The following TMEM38A variants were observed in gnomAD, a reference collection of about 807,000 sequenced individuals.
The protein encoded by TMEM38A is transmembrane protein 38A.
TMEM38A carries 17 observed loss-of-function variants against 28.6 expected under a neutral mutation model. The observed-to-expected ratio is 0.60, with a 90% CI of 0.41 to 0.89. The LOEUF (loss-of-function observed/expected upper bound fraction) is 0.89, where lower values mean the gene tolerates loss of function less well. TMEM38A is among the 40% of genes least tolerant of loss of function. TMEM38A has a pLI of 0.00. For synonymous variants in TMEM38A, 169 were observed against 166.1 expected, an observed-to-expected ratio of 1.02 and a Z score of -0.14; for missense variants, 328 against 393.1, an observed-to-expected ratio of 0.83 and a Z score of 1.40.
At chr19:16,688,070 G>A in intron 5 of TMEM38A, 74 bp from the exon 6 acceptor site, 1 of 1,070,788 alleles carries the variant, frequency 9.3e-7, no homozygotes, top group Non-Finnish European at 1.3e-6. Context: ...TCCCCACCCT[G>A]CCCTCCACTC....
At chr19:16,664,382 A>G (rs2086694882) in intron 1 of TMEM38A, among the ~76,000 whole-genome samples, 1 of 152,076 alleles carries the variant, frequency 6.6e-6, no homozygotes, top group Admixed American at 6.6e-5. Flanking sequence ...TCGCTGCTGC[A>G]CTCCAGCCTG....
chr19:16,669,929 G>C (rs1320118879), intron 1 of TMEM38A, among the ~76,000 whole-genome samples: 1 of 151,918 alleles, frequency 6.6e-6, no homozygotes, highest in Non-Finnish European at 1.5e-5. Context: ...AGGCAGAGCT[G>C]ATTTTTTTCT....
chr19:16,662,342 AAG>A (rs2086685515), intron 1 of TMEM38A, among the ~76,000 whole-genome samples: 1 of 152,092 alleles, frequency 6.6e-6, no homozygotes, highest in South Asian at 2.1e-4. Context: ...AAAGGAAAAA[AAG>A]AGAATTACTG....
At chr19:16,666,054 C>T (rs1477109704) in intron 1 of TMEM38A, among the ~76,000 whole-genome samples, 1 of 152,024 alleles carries the variant, frequency 6.6e-6, no homozygotes, top group Non-Finnish European at 1.5e-5. Flanking sequence ...GATCCCGGCT[C>T]ACTGCAACCT....
Position 16,661,287 on chromosome 19 carries a change from G to C in TMEM38A, c.70G>C (p.Val24Leu), listed in dbSNP as rs780785645. 1 of 1,599,106 alleles carries C rather than the reference G, an allele frequency of 6.3e-7. No homozygotes were observed. The highest frequency in any genetic ancestry group is 8.5e-7 in the Non-Finnish European group (1 of 1,173,446). ...CTTCTCGCGGGTGCCGCTCTTCCCC[G>C]TCTTCGACCTCAGTTACTTCATCGT... ...LSFSRVPLFP[V>L]FDLSYFIVSI... The change falls in exon 1 of 6, where the codon GTC becomes CTC. Residue 24 changes from valine to leucine, a missense_variant. Coordinates refer to ENST00000187762, the MANE Select transcript of TMEM38A (RefSeq NM_024074.4). This position sits in a 1 kb window ranked among gnomAD's most constrained non-coding sequence, Gnocchi z 6.5.
At position 16,661,242 on chromosome 19, in the gene TMEM38A, C is replaced by T. The variant is rs1183406546; in HGVS notation, c.25C>T (p.Leu9=). 6.3e-7 allele frequency: 1 copy of T among 1,587,434 alleles called. No individual in the cohort carries two copies. The highest frequency in any genetic ancestry group is 8.6e-7 in the Non-Finnish European group (1 of 1,168,182). ...CATGGAGCTGCTCTCGGCGCTGAGC[C>T]TGGGCGAACTGGCGCTCAGCTTCTC... MELLSALS[L]GELALSFSRV... Residue 9 remains leucine (L), a synonymous_variant, in exon 1 of 6, where the codon CTG becomes TTG. Coordinates refer to ENST00000187762, the MANE Select transcript of TMEM38A (RefSeq NM_024074.4). The surrounding 1 kb of genome is among the most constrained non-coding windows in gnomAD (Gnocchi z 6.5).
At chr19:16,680,916 A>C in intron 3 of TMEM38A, 1 of 251,654 alleles carries the variant, frequency 4.0e-6, no homozygotes, top group Non-Finnish European at 7.8e-6. Context: ...TAGGATGTTG[A>C]ACAGCACCCC....
intron 1 of TMEM38A, among the ~76,000 whole-genome samples, chr19:16,673,439 G>C (rs1390333269): frequency 1.3e-5 from 2 of 152,156 alleles, no homozygotes; most frequent in Admixed American, 6.6e-5. Context: ...TTTACTAAGA[G>C]ACTGTTGATT....
intron 1 of TMEM38A, among the ~76,000 whole-genome samples, chr19:16,667,461 A>T (rs968157717): frequency 6.6e-6 from 1 of 152,186 alleles, no homozygotes; most frequent in Admixed American, 6.6e-5. Context: ...GAGTGAATCA[A>T]TGACAATCCT....
chr19:16,668,502 CAAAAAAAAAA>C (rs1215843373), intron 1 of TMEM38A, among the ~76,000 whole-genome samples: 15 of 73,716 alleles, frequency 2.0e-4, no homozygotes, highest in African/African-American at 6.0e-4. Context: ...GACTCTGTCT[CAAAAAAAAAA>C]AAAAAAAAAA....
intron 5 of TMEM38A, among the ~76,000 whole-genome samples, chr19:16,686,669 C>A (rs1181657567): frequency 6.6e-6 from 1 of 152,072 alleles, no homozygotes; most frequent in Non-Finnish European, 1.5e-5. Context: ...CTCTTGGGTA[C>A]AGAGACCAGA....
At chr19:16,683,161 A>T (rs1044898756) in intron 4 of TMEM38A, among the ~76,000 whole-genome samples, 2 of 151,954 alleles carry the variant, frequency 1.3e-5, no homozygotes, top group African/African-American at 4.8e-5. Context: ...TTGAGTAGAG[A>T]TGGGGTTTCA....
chr19:16,688,408 C>G lies in TMEM38A; in HGVS notation c.*37C>G. ...AGGGGCACCGGGGAGAGGACCCGGA[C>G]CCAGGACCCTCTGAGCTGGGAGGCT... On this transcript the variant is annotated 3_prime_UTR_variant, in exon 6 of 6. Coordinates refer to ENST00000187762, the MANE Select transcript of TMEM38A (RefSeq NM_024074.4). 6.8e-7 allele frequency: 1 copy of G among 1,463,676 alleles called. No homozygotes were observed. The highest frequency in any genetic ancestry group is 2.4e-5 in the Admixed American group (1 of 42,492). 90.7% of individuals were successfully genotyped at this position (1,463,676 alleles called of 1,614,324 possible).
intron 1 of TMEM38A, among the ~76,000 whole-genome samples, chr19:16,679,320 T>C (rs180825832): frequency 3.3e-5 from 5 of 150,184 alleles, no homozygotes; most frequent in African/African-American, 1.2e-4. Flanking sequence ...TTAGATGGAG[T>C]CTTGCTCTGT....
intron 1 of TMEM38A, among the ~76,000 whole-genome samples, chr19:16,663,178 G>T (rs1199088253): frequency 1.3e-5 from 2 of 151,880 alleles, no homozygotes; most frequent in Non-Finnish European, 2.9e-5. Context: ...CTGCTTGGGA[G>T]GCTGAGGCAG....
chr19:16,678,427 CAA>C (rs58580381), intron 1 of TMEM38A, among the ~76,000 whole-genome samples: 2,785 of 64,640 alleles, frequency 0.043, 57 homozygotes, highest in African/African-American at 0.14. Context: ...GACTCTGTCT[CAA>C]AAAAAAAAAA....
chr19:16,671,200 G>GTTTTTTTTTTTT (rs1568313636), intron 1 of TMEM38A, among the ~76,000 whole-genome samples: 2 of 112,908 alleles, frequency 1.8e-5, no homozygotes, highest in African/African-American at 1.0e-4. Context: ...AAGGACCTGG[G>GTTTTTTTTTTTT]CTTTTTTTTT....
chr19:16,686,261 C>T (rs1205551185), intron 4 of TMEM38A, 27 bp from the exon 5 acceptor site: 2 of 1,586,464 alleles, frequency 1.3e-6, no homozygotes, highest in Non-Finnish European at 1.7e-6. Context: ...GCAGGCACCT[C>T]CCGGTAATGA....
At chr19:16,687,630 G>A (rs575008052) in intron 5 of TMEM38A, among the ~76,000 whole-genome samples, 3 of 152,294 alleles carry the variant, frequency 2.0e-5, no homozygotes, top group Non-Finnish European at 4.4e-5. Flanking sequence ...TTTACTGGTT[G>A]CAGATAGGCA....
Sources: gnomAD v4.1 joint callset for allele counts (sites outside exome capture counted in the v4.1 genomes callset) on GRCh38, gnomAD v4.1.1 for gene constraint, Gnocchi (gnomAD v3.1) non-coding constraint, MANE v1.5 for transcripts, NCBI Gene and HGNC (gene_info 2026-07-23, HGNC 2026-07-21) for gene names.